ADK: variants seen among roughly 807,000 people sequenced by gnomAD.
The protein encoded by ADK is N6,N6-dimethyladenosine kinase.
Under a neutral mutation model 44.7 loss-of-function variants are expected in ADK, and 24 were observed. The observed-to-expected ratio is 0.54, with a 90% CI of 0.39 to 0.76. The LOEUF is 0.76. ADK is among the 30% of genes least tolerant of loss of function. The pLI, the probability that ADK is intolerant of heterozygous loss-of-function variation, is 0.00. For missense variants in ADK, 321 were observed against 425.1 expected (o/e 0.76, Z 2.15); for synonymous variants, 128 against 142.6 (o/e 0.90, Z 0.73).
At chr10:74,465,326 G>A (rs1409603468) in intron 6 of ADK, among the ~76,000 whole-genome samples, 2 of 152,090 alleles carry the variant, frequency 1.3e-5, no homozygotes, top group Non-Finnish European at 2.9e-5. Flanking sequence ...AATGAGCAAT[G>A]GGAAAAGTAA....
rs146068579 is a variant in ADK, at chr10:74,555,611, G to GA, written c.726+30201dup. On this transcript the variant is annotated intron_variant, in intron 7 of 10. Transcript: ENST00000539909. ...GGGATACAGAGCAAGACCTTGTCTCGAAAAAAAAAAAAAAAATCTAAGTGG... is the reference window on the plus strand; with the variant it reads ...GGGATACAGAGCAAGACCTTGTCTCGAAAAAAAAAAAAAAAAATCTAAGTGG... 3.9e-3 allele frequency among the ~76,000 whole-genome samples: 446 copies of GA among 115,248 alleles called. 2 individuals are homozygous for GA. Among genetic ancestry groups the GA allele is most frequent in the Admixed American group, 5.8e-3 (65 of 11,112 alleles). The allele number at this position is 115,248 out of a possible 152,430, so 75.6% of individuals were successfully genotyped here. A position where few individuals can be genotyped will look rare whatever the true frequency, so the allele number is the denominator to read the frequency against.
intron 9 of ADK, among the ~76,000 whole-genome samples, chr10:74,657,769 G>A (rs552300849): frequency 2.0e-5 from 3 of 152,282 alleles, no homozygotes; most frequent in African/African-American, 7.2e-5. Context: ...CTACCTATAA[G>A]GAGTTCAAAG....
At chr10:74,485,618 A>G (rs949822649) in intron 6 of ADK, among the ~76,000 whole-genome samples, 15 of 152,312 alleles carry the variant, frequency 9.8e-5, no homozygotes, top group Admixed American at 2.0e-4. Flanking sequence ...ATAAAATTAG[A>G]ATTACTGACT....
chr10:74,263,713 A>G (rs1394309760), intron 3 of ADK, among the ~76,000 whole-genome samples: 1 of 152,204 alleles, frequency 6.6e-6, no homozygotes, highest in Non-Finnish European at 1.5e-5. Flanking sequence ...ATATATGTGT[A>G]TATATTCATA....
At chr10:74,663,369 C>G (rs1161849224) in intron 9 of ADK, among the ~76,000 whole-genome samples, 1 of 151,672 alleles carries the variant, frequency 6.6e-6, no homozygotes, top group South Asian at 2.1e-4. Context: ...CTATTCACAT[C>G]TGTATTCCCA....
At position 74,481,880 on chromosome 10, in the gene ADK, C is replaced by T. The variant is rs189465861; in HGVS notation, c.556-43376C>T. ...CACATATGCCAGTTCAATTAATGGT[C>T]TTAACTCAGGACAATACAAATAGTA... On this transcript the variant is annotated intron_variant, in intron 6 of 10. Transcript: ENST00000539909. 9.9e-4 allele frequency among the ~76,000 whole-genome samples: 151 copies of T among 152,258 alleles called. 1 individual carries two copies. The highest frequency in any genetic ancestry group is 3.4e-3 in the African/African-American group (141 of 41,548).
chr10:74,379,684 T>G (rs958872645), intron 4 of ADK, among the ~76,000 whole-genome samples: 3 of 152,204 alleles, frequency 2.0e-5, no homozygotes, highest in Non-Finnish European at 2.9e-5. Context: ...AGGTCACTCT[T>G]TACCCAATCA....
intron 7 of ADK, among the ~76,000 whole-genome samples, chr10:74,533,511 T>C (rs1849360376): frequency 1.3e-5 from 2 of 152,186 alleles, no homozygotes; most frequent in African/African-American, 4.8e-5. Flanking sequence ...TTTCAGAGGC[T>C]TTTTCATGGA....
chr10:74,558,409 C>G (rs1487858395), intron 7 of ADK, among the ~76,000 whole-genome samples: 4 of 152,180 alleles, frequency 2.6e-5, no homozygotes, highest in Non-Finnish European at 5.9e-5. Flanking sequence ...GAGGAAGGAC[C>G]TGGCGAGAGG....
intron 9 of ADK, among the ~76,000 whole-genome samples, chr10:74,619,837 C>T (rs916340068): frequency 3.3e-5 from 5 of 152,260 alleles, no homozygotes; most frequent in East Asian, 3.9e-4. Context: ...TTTCCCAACT[C>T]GGCCTCCTGA....
rs190408009 is a variant in ADK at position 74,352,981 on chromosome 10, T to C, written c.273+38236T>C. 3.7e-4 allele frequency among the ~76,000 whole-genome samples: 56 copies of C among 152,300 alleles called. 1 individual carries two copies. In the East Asian group the frequency reaches 0.01, roughly 27 times the overall value. On this transcript the variant is annotated intron_variant, in intron 4 of 10. Coordinates refer to ENST00000539909, the MANE Select transcript of ADK (RefSeq NM_006721.4). Reference sequence around the variant, plus strand: ...ACTGTTGGTGGGAGTGTAAATTAGTTCAACCGCTGTAGAAGACAGTGTAGC... The same window carrying C: ...ACTGTTGGTGGGAGTGTAAATTAGTCCAACCGCTGTAGAAGACAGTGTAGC...
At position 74,393,344 on chromosome 10, in the gene ADK, T is replaced by C. The variant is rs114434563; in HGVS notation, c.274-797T>C. Among the ~76,000 whole-genome samples the C allele has an allele frequency of 1.6e-3, 250 of 152,258 alleles. 1 individual carries two copies. The highest frequency in any genetic ancestry group is 6.1e-3 in the Admixed American group (93 of 15,284). On this transcript the variant is annotated intron_variant, in intron 4 of 10. Transcript: ENST00000539909. ...AGAACCCTCAGGGATTTGAGCTAAT[T>C]ATAAAAGGTAAAAAGTTCAAATCTG...
chr10:74,697,795 T>C (rs1390184744), intron 10 of ADK, among the ~76,000 whole-genome samples: 1 of 152,178 alleles, frequency 6.6e-6, no homozygotes, highest in Non-Finnish European at 1.5e-5. Flanking sequence ...CTACATGGAA[T>C]AGACAGCTTA....
intron 7 of ADK, among the ~76,000 whole-genome samples, chr10:74,579,126 A>C (rs1295940294): frequency 6.6e-6 from 1 of 151,858 alleles, no homozygotes; most frequent in South Asian, 2.1e-4. Context: ...CCCAGCTTCT[A>C]GGGAGACTGA....
chr10:74,247,242 T>TTC (rs1845458784), intron 3 of ADK, among the ~76,000 whole-genome samples: 1 of 138,400 alleles, frequency 7.2e-6, no homozygotes, highest in African/African-American at 2.7e-5. Context: ...TTTTTTTTTT[T>TTC]TTTTTTGAGA....
At chr10:74,572,757 C>A (rs1851018346) in intron 7 of ADK, among the ~76,000 whole-genome samples, 1 of 152,170 alleles carries the variant, frequency 6.6e-6, no homozygotes, top group African/African-American at 2.4e-5. Context: ...TTCATTTCAT[C>A]TTCCATCACT....
chr10:74,533,304 A>T (rs1849355117), intron 7 of ADK, among the ~76,000 whole-genome samples: 1 of 152,190 alleles, frequency 6.6e-6, no homozygotes, highest in South Asian at 2.1e-4. Context: ...TAATATTTAT[A>T]TGGAAAAGCA....
chr10:74,293,973 T>G (rs1257479828), intron 3 of ADK, among the ~76,000 whole-genome samples: 1 of 152,204 alleles, frequency 6.6e-6, no homozygotes, highest in East Asian at 1.9e-4. Flanking sequence ...TGTCCTGACT[T>G]CTAACATTGG....
At chr10:74,416,203 A>T (rs1294395046) in intron 6 of ADK, among the ~76,000 whole-genome samples, 1 of 151,958 alleles carries the variant, frequency 6.6e-6, no homozygotes, top group Non-Finnish European at 1.5e-5. Flanking sequence ...AAATGAGAGG[A>T]CAACGTTTTT....
Sources: gnomAD v4.1 joint callset for allele counts (sites outside exome capture counted in the v4.1 genomes callset) on GRCh38, gnomAD v4.1.1 for gene constraint, MANE v1.5 for transcripts, NCBI Gene and HGNC (gene_info 2026-07-23, HGNC 2026-07-21) for gene names.